Variants in CTNND2 observed in about 807,000 individuals in gnomAD.
CTNND2 encodes the protein catenin delta-2.
CTNND2 carries 22 observed loss-of-function variants against 144.4 expected under a neutral mutation model. The observed-to-expected ratio is 0.15, with a 90% CI of 0.11 to 0.22. The LOEUF (loss-of-function observed/expected upper bound fraction) is 0.22, where lower values mean the gene tolerates loss of function less well. Ranked by LOEUF, CTNND2 falls within the 10% of genes least tolerant of loss-of-function variation. The pLI is 1.00. For missense variants in CTNND2, 1,353 were observed against 1,618.8 expected, an observed-to-expected ratio of 0.84 and a Z score of 2.82; for synonymous variants, 751 against 695.6, an observed-to-expected ratio of 1.08 and a Z score of -1.25.
chr5:11,607,290 C>T (rs1232060229), intron 2 of CTNND2, among the ~76,000 whole-genome samples: 1 of 152,128 alleles, frequency 6.6e-6, no homozygotes, highest in Non-Finnish European at 1.5e-5. Context: ...GCAGCCCTAA[C>T]AAACTAATTC....
intron 1 of CTNND2, among the ~76,000 whole-genome samples, chr5:11,835,866 CCCT>C (rs1298959610): frequency 2.0e-5 from 3 of 152,116 alleles, no homozygotes; most frequent in Non-Finnish European, 4.4e-5. Context: ...CATTTCCCAT[CCCT>C]CTTTTCTTTT....
At chr5:11,851,735 T>C (rs1488538645) in intron 1 of CTNND2, among the ~76,000 whole-genome samples, 1 of 152,254 alleles carries the variant, frequency 6.6e-6, no homozygotes, top group African/African-American at 2.4e-5. Context: ...CAATGGCCAA[T>C]TCCATTTGTG....
intron 1 of CTNND2, among the ~76,000 whole-genome samples, chr5:11,806,537 CCATT>C (rs769692309): frequency 2.0e-4 from 30 of 152,048 alleles, no homozygotes; most frequent in Non-Finnish European, 3.2e-4. Context: ...TTTGGCACTG[CCATT>C]CATTCATTTC....
chr5:11,796,216 C>CA (rs1249214208), intron 1 of CTNND2, among the ~76,000 whole-genome samples: 1 of 152,212 alleles, frequency 6.6e-6, no homozygotes, highest in Non-Finnish European at 1.5e-5. Context: ...CTGCATCTGC[C>CA]ATGCTAACCC....
At chr5:11,159,338 A>C (rs1484622109) in intron 12 of CTNND2, among the ~76,000 whole-genome samples, 1 of 152,246 alleles carries the variant, frequency 6.6e-6, no homozygotes, top group Non-Finnish European at 1.5e-5. Flanking sequence ...TTTTCACCTT[A>C]GACCTAAGAA....
intron 11 of CTNND2, among the ~76,000 whole-genome samples, chr5:11,195,464 G>A (rs965206587): frequency 1.3e-5 from 2 of 152,210 alleles, no homozygotes; most frequent in Non-Finnish European, 2.9e-5. Flanking sequence ...ATCCAAATCC[G>A]TCCTGAAGAC....
intron 3 of CTNND2, among the ~76,000 whole-genome samples, chr5:11,461,538 T>G (rs1766222432): frequency 2.0e-5 from 3 of 152,084 alleles, no homozygotes. Flanking sequence ...CTTGGGGTGG[T>G]CTAACGCCAG....
chr5:11,236,028 G>T (rs1195634791), intron 10 of CTNND2, among the ~76,000 whole-genome samples: 7 of 152,154 alleles, frequency 4.6e-5, no homozygotes, highest in African/African-American at 1.2e-4. Context: ...AAAAAACTTA[G>T]ATTTGGCTGC....
rs1787446299 is a variant in CTNND2 at position 11,732,476 on chromosome 5, C to T, written c.38-204G>A. On this transcript the variant is annotated intron_variant, in intron 1 of 21. Transcript: ENST00000304623. ...ACAGAATGTTTTATTCTTTTATCAA[C>T]TCCAACCAAATTCCAGAACACACTC... Among the ~76,000 whole-genome samples, 3 of 152,192 alleles carry T rather than the reference C, an allele frequency of 2.0e-5. No homozygotes were observed. In the South Asian group the frequency reaches 6.2e-4, roughly 32 times the overall value.
At chr5:11,350,000 G>A (rs1401322096) in intron 8 of CTNND2, among the ~76,000 whole-genome samples, 5 of 152,184 alleles carry the variant, frequency 3.3e-5, no homozygotes, top group Admixed American at 1.3e-4. Flanking sequence ...AGTCGGGCGT[G>A]GTGGCACGTG....
chr5:11,128,750 T>TTATA (rs1754959764), intron 12 of CTNND2, among the ~76,000 whole-genome samples: 1 of 58,298 alleles, frequency 1.7e-5, no homozygotes, highest in African/African-American at 9.8e-5. Context: ...TTTATATATA[T>TTATA]TATATATAAA....
chr5:11,400,180 C>T (rs545680062), intron 5 of CTNND2, among the ~76,000 whole-genome samples: 10 of 151,884 alleles, frequency 6.6e-5, no homozygotes, highest in Admixed American at 1.3e-4. Context: ...AGAGGTAAAA[C>T]GAGGCTGTGG....
At chr5:11,125,166 C>T (rs925405405) in intron 12 of CTNND2, among the ~76,000 whole-genome samples, 1 of 151,990 alleles carries the variant, frequency 6.6e-6, no homozygotes, top group Non-Finnish European at 1.5e-5. Flanking sequence ...TTCGCCCAGC[C>T]ACTGGGTCTG....
At position 11,308,398 on chromosome 5, in the gene CTNND2, T is replaced by A. The variant is rs2150045425; in HGVS notation, c.1628+37974A>T. On this transcript the variant is annotated intron_variant, in intron 9 of 21. Transcript: ENST00000304623. ...CTAGCCAGCTCTGCTGTTACAGTGC[T>A]GCAAAAGCAGCCATAGAATAACAAA... is the stretch of plus-strand genomic sequence containing the variant. Among the ~76,000 whole-genome samples the A allele has an allele frequency of 2.0e-5, 3 of 152,336 alleles. No homozygotes were observed. In the Middle Eastern group the frequency reaches 0.01, roughly 518 times the overall value.
chr5:11,695,565 G>T (rs993998616), intron 2 of CTNND2, among the ~76,000 whole-genome samples: 1 of 152,116 alleles, frequency 6.6e-6, no homozygotes, highest in African/African-American at 2.4e-5. Context: ...TTAAAATAAT[G>T]CTTTTCTATT....
chr5:11,231,669 T>G (rs1207008121), intron 10 of CTNND2, among the ~76,000 whole-genome samples: 4 of 152,202 alleles, frequency 2.6e-5, no homozygotes, highest in Non-Finnish European at 5.9e-5. Context: ...TTTGAAAAAT[T>G]TGAGGCCCGA....
intron 9 of CTNND2, among the ~76,000 whole-genome samples, chr5:11,275,328 C>T (rs1250591006): frequency 6.6e-6 from 1 of 152,170 alleles, no homozygotes; most frequent in Non-Finnish European, 1.5e-5. Flanking sequence ...AATCCCTGCT[C>T]AGAATCAACA....
intron 3 of CTNND2, among the ~76,000 whole-genome samples, chr5:11,414,145 C>G (rs1319541168): frequency 2.0e-5 from 3 of 152,066 alleles, no homozygotes; most frequent in Non-Finnish European, 4.4e-5. Flanking sequence ...TGGAGTGATG[C>G]AGGCACAAGT....
Position 11,203,065 on chromosome 5 carries a change from A to G in CTNND2, c.1762-3404T>C, listed in dbSNP as rs183664954. Among the ~76,000 whole-genome samples, 125 of 152,212 alleles carry G rather than the reference A, an allele frequency of 8.2e-4. No homozygotes were observed. The East Asian group carries it at 0.022, about 27-fold the overall frequency. On this transcript the variant is annotated intron_variant, in intron 10 of 21. Transcript: ENST00000304623. ...GGTGATCTGCCTGCCTCGGCCTCCCAAAGTGCTGGGATTACAGGCATGAGC... is the reference window on the plus strand; with the variant it reads ...GGTGATCTGCCTGCCTCGGCCTCCCGAAGTGCTGGGATTACAGGCATGAGC...
Sources: gnomAD v4.1 joint callset for allele counts (sites outside exome capture counted in the v4.1 genomes callset) on GRCh38, gnomAD v4.1.1 for gene constraint, MANE v1.5 for transcripts, NCBI Gene and HGNC (gene_info 2026-07-23, HGNC 2026-07-21) for gene names.